GAGE1: variants seen among roughly 807,000 people sequenced by gnomAD.
GAGE1 encodes G antigen 1, also known as G antigen 4.
A neutral mutation model predicts 5.0 loss-of-function variants in GAGE1; 5 were observed. That is an observed-to-expected ratio of 1.00 (90% CI 0.52 to 2.11). GAGE1 has a LOEUF of 2.11. Ranked by LOEUF, GAGE1 falls within the 30% of genes most tolerant of loss-of-function variation. The pLI is 0.01. For synonymous variants in GAGE1, 6 were observed against 14.8 expected (o/e 0.40, Z 1.37); for missense variants, 9 against 38.9 (o/e 0.23, Z 2.04).
chrX:49,604,223 TA>T (rs1195626100), intron 4 of GAGE1, among the ~76,000 whole-genome samples: 3 of 112,586 alleles, frequency 2.7e-5, no homozygotes, highest in Admixed American at 9.4e-5. Context: ...ATATAAAGGT[TA>T]TTTGAAATGT....
intron 4 of GAGE1, among the ~76,000 whole-genome samples, chrX:49,604,602 T>C (rs1557131761): frequency 8.9e-6 from 1 of 112,364 alleles, no homozygotes; most frequent in Non-Finnish European, 1.9e-5. Context: ...TTGCATAGAA[T>C]GCGTGGGACA....
chrX:49,608,085 T>A lies in GAGE1; in HGVS notation c.*2070T>A, dbSNP rs2066668765. On this transcript the variant is annotated 3_prime_UTR_variant, in exon 5 of 5. Coordinates refer to ENST00000381700, the MANE Select transcript of GAGE1 (RefSeq NM_001040663.4). ...CTGATGGTGTATATGATGATTTTAG[T>A]TGTAATCTGATGTTTTCTTTAAAAA... The A allele has an allele frequency of 8.9e-6, 1 of 112,075 alleles. No homozygotes were observed. Among genetic ancestry groups the A allele is most frequent in the East Asian group, 2.8e-4 (1 of 3,561 alleles). The allele number at this position is 112,075 out of a possible 1,213,427, so 9.2% of individuals were successfully genotyped here.
At chrX:49,604,667 C>T (rs1349167699) in intron 4 of GAGE1, among the ~76,000 whole-genome samples, 2 of 112,187 alleles carry the variant, frequency 1.8e-5, no homozygotes, top group African/African-American at 6.5e-5. Flanking sequence ...AACCCTGGCC[C>T]GAGTCATCTG....
intron 4 of GAGE1, among the ~76,000 whole-genome samples, 153 bp downstream of exon 4, chrX:49,603,946 G>T (rs1404231524): frequency 1.8e-5 from 2 of 113,473 alleles, no homozygotes; most frequent in South Asian, 3.5e-4. Context: ...TCTGTCTCCA[G>T]GGTTCAAGTG....
At chrX:49,602,655 T>G (rs1199238029) in intron 3 of GAGE1, among the ~76,000 whole-genome samples, 1 of 92,291 alleles carries the variant, frequency 1.1e-5, no homozygotes, top group Admixed American at 1.2e-4. Flanking sequence ...TCCTTTACCC[T>G]ATGTACTTGA....
chrX:49,605,869 C>T lies in GAGE1; in HGVS notation c.332-124C>T, dbSNP rs1231938285. 1.8e-5 allele frequency: 7 copies of T among 399,885 alleles called. No homozygotes were observed. In the Admixed American group the frequency reaches 4.9e-4, roughly 28 times the overall value. The allele number at this position is 399,885 out of a possible 1,213,427, so 33.0% of individuals were successfully genotyped here. Reference sequence around the variant, plus strand: ...CGTTGCAGTGAACCAGATTGCTCCACTGTACTCCAGCCTGGGCAACAGAGT... The same window carrying T: ...CGTTGCAGTGAACCAGATTGCTCCATTGTACTCCAGCCTGGGCAACAGAGT... On this transcript the variant is annotated intron_variant, in intron 4 of 4. Transcript: ENST00000381700.
At chrX:49,604,505 C>G (rs782057111) in intron 4 of GAGE1, among the ~76,000 whole-genome samples, 1 of 112,198 alleles carries the variant, frequency 8.9e-6, no homozygotes, top group East Asian at 2.8e-4. Context: ...ACTTCTAAAC[C>G]TATCTTTGGT....
Position 49,604,958 on chromosome X carries a change from C to G in GAGE1, c.332-1035C>G, listed in dbSNP as rs184974794. 2.5e-4 allele frequency: 171 copies of G among 681,050 alleles called. No individual in the cohort carries two copies. The African/African-American group carries it at 3.3e-3, about 13-fold the overall frequency. The allele number at this position is 681,050 out of a possible 1,213,427, so 56.1% of individuals were successfully genotyped here. A position where few individuals can be genotyped will look rare whatever the true frequency, so the allele number is the denominator to read the frequency against. ...GAGTGGCTGGAACTACATGCACAAGCCAACGTACCTGAGTAAAATTTTTTT... is the reference window on the plus strand; with the variant it reads ...GAGTGGCTGGAACTACATGCACAAGGCAACGTACCTGAGTAAAATTTTTTT... On this transcript the variant is annotated intron_variant, in intron 4 of 4. Coordinates refer to ENST00000381700, the MANE Select transcript of GAGE1 (RefSeq NM_001040663.4).
intron 4 of GAGE1, among the ~76,000 whole-genome samples, chrX:49,604,138 C>T (rs1316313095): frequency 4.4e-5 from 5 of 112,775 alleles, no homozygotes; most frequent in African/African-American, 1.3e-4. Flanking sequence ...CAGGCGAGAG[C>T]CACTGTGCCA....
Position 49,606,289 on chromosome X carries a change from G to A in GAGE1, c.*274G>A. The A allele has an allele frequency of 5.5e-6, 1 of 180,209 alleles. No individual in the cohort carries two copies. The highest frequency in any genetic ancestry group is 1.1e-5 in the Non-Finnish European group (1 of 95,235). The allele number at this position is 180,209 out of a possible 1,213,427, so 14.9% of individuals were successfully genotyped here. On this transcript the variant is annotated 3_prime_UTR_variant, in exon 5 of 5. Transcript: ENST00000381700. ...ATGAATTTTAAAAGTTTACTTCTAG[G>A]TTTTTTCAGTTTTCAACCTACAGAA... is the stretch of plus-strand genomic sequence containing the variant.
rs1431923071 is a variant in GAGE1, at chrX:49,606,455, G to C, written c.*440G>C. The C allele has an allele frequency of 9.0e-6, 1 of 111,343 alleles. No homozygotes were observed. The highest frequency in any genetic ancestry group is 1.9e-5 in the Non-Finnish European group (1 of 53,213). 9.2% of individuals were successfully genotyped at this position (111,343 alleles called of 1,213,427 possible). Reference sequence around the variant, plus strand: ...TGAGCGCAAGTAATCCACTCTCCTTGGCCTTTCAAAGTGTTGGGATTACAG... The same window carrying C: ...TGAGCGCAAGTAATCCACTCTCCTTCGCCTTTCAAAGTGTTGGGATTACAG... On this transcript the variant is annotated 3_prime_UTR_variant, in exon 5 of 5. Coordinates refer to ENST00000381700, the MANE Select transcript of GAGE1 (RefSeq NM_001040663.4).
At position 49,607,468 on chromosome X, in the gene GAGE1, A is replaced by T. The variant is rs2066665513; in HGVS notation, c.*1453A>T. ...AAAACCTCTTTTTCCATTCACTGGA[A>T]CTCAAGTCTCCTCAAGGCTGTGAGT... On this transcript the variant is annotated 3_prime_UTR_variant, in exon 5 of 5. Coordinates refer to ENST00000381700, the MANE Select transcript of GAGE1 (RefSeq NM_001040663.4). The T allele has an allele frequency of 9.0e-6, 1 of 110,937 alleles. No homozygotes were observed. Among genetic ancestry groups the T allele is most frequent in the South Asian group, 3.8e-4 (1 of 2,604 alleles). The allele number at this position is 110,937 out of a possible 1,213,427, so 9.1% of individuals were successfully genotyped here. A position where few individuals can be genotyped will look rare whatever the true frequency, so the allele number is the denominator to read the frequency against.
At chrX:49,605,409 G>C (rs782461799) in intron 4 of GAGE1, among the ~76,000 whole-genome samples, 18 of 112,234 alleles carry the variant, frequency 1.6e-4, no homozygotes, top group Non-Finnish European at 3.0e-4. Flanking sequence ...CCAAATTGCT[G>C]ACTGTTAATT....
At chrX:49,605,344 A>G (rs782754184) in intron 4 of GAGE1, among the ~76,000 whole-genome samples, 4 of 112,661 alleles carry the variant, frequency 3.6e-5, no homozygotes, top group Non-Finnish European at 7.5e-5. Context: ...TTGAAAGACC[A>G]TGACTCTAGT....
Position 49,604,988 on chromosome X carries a change from A to G in GAGE1, c.332-1005A>G, listed in dbSNP as rs1371241612. 7.5e-6 allele frequency: 7 copies of G among 936,875 alleles called. No individual in the cohort carries two copies. In the Admixed American group the frequency reaches 1.6e-4, roughly 22 times the overall value. 77.2% of individuals were successfully genotyped at this position (936,875 alleles called of 1,213,427 possible). Reference sequence around the variant, plus strand: ...GTACCTGAGTAAAATTTTTTTTTTCATTTTTGTAGAGATGAGGTCTCACTA... The same window carrying G: ...GTACCTGAGTAAAATTTTTTTTTTCGTTTTTGTAGAGATGAGGTCTCACTA... On this transcript the variant is annotated intron_variant, in intron 4 of 4. Transcript: ENST00000381700.
intron 4 of GAGE1, chrX:49,605,215 T>G (rs1557131974): frequency 1.3e-6 from 1 of 766,101 alleles, no homozygotes. Context: ...ACTGTCAGTC[T>G]TGATGAGCCA....
chrX:49,604,185 A>T, intron 4 of GAGE1, among the ~76,000 whole-genome samples: 1 of 112,652 alleles, frequency 8.9e-6, no homozygotes, highest in Non-Finnish European at 1.9e-5. Context: ...GAGAGTTAAC[A>T]ATACTGCCTC....
chrX:49,606,637 G>A lies in GAGE1; in HGVS notation c.*622G>A, dbSNP rs1470297448. On this transcript the variant is annotated 3_prime_UTR_variant, in exon 5 of 5. Coordinates refer to ENST00000381700, the MANE Select transcript of GAGE1 (RefSeq NM_001040663.4). ...AAATGGAAAAATTTCAACATTTCAC[G>A]ACAATATTTAGTGTACTTTTTTTGT... is the stretch of plus-strand genomic sequence containing the variant. 1 of 112,324 alleles carries A rather than the reference G, an allele frequency of 8.9e-6. No homozygotes were observed. Among genetic ancestry groups the A allele is most frequent in the Non-Finnish European group, 1.9e-5 (1 of 53,323 alleles). The allele number at this position is 112,324 out of a possible 1,213,427, so 9.3% of individuals were successfully genotyped here. A position where few individuals can be genotyped will look rare whatever the true frequency, so the allele number is the denominator to read the frequency against.
rs1419485661 is a variant in GAGE1 at position 49,608,491 on chromosome X, T to C, written c.*2476T>C. On this transcript the variant is annotated 3_prime_UTR_variant, in exon 5 of 5. Transcript: ENST00000381700. ...ACATTCTTGTTGCCTGTTGCGAGGA[T>C]GCTTTAGCCTACTCTAAGTTCTCCC... 9.0e-6 allele frequency: 1 copy of C among 111,445 alleles called. No individual in the cohort carries two copies. Among genetic ancestry groups the C allele is most frequent in the Non-Finnish European group, 1.9e-5 (1 of 53,162 alleles). 9.2% of individuals were successfully genotyped at this position (111,445 alleles called of 1,213,427 possible).
Sources: allele counts gnomAD v4.1 joint callset (sites outside exome capture counted in the v4.1 genomes callset), GRCh38; gene constraint gnomAD v4.1.1; transcripts MANE v1.5; gene names NCBI Gene and HGNC (gene_info 2026-07-23, HGNC 2026-07-21).